The following MND1 variants were observed in gnomAD, a reference collection of about 807,000 sequenced individuals.
MND1 encodes the protein meiotic nuclear divisions 1.
A neutral mutation model predicts 35.1 loss-of-function variants in MND1; 28 were observed. That is an observed-to-expected ratio of 0.80 (90% CI 0.59 to 1.09). MND1 has a LOEUF of 1.09. Among genes scored for constraint, MND1 ranks in the 50% least tolerant of loss-of-function variants. MND1 has a pLI of 0.00. For missense variants in MND1, 213 were observed against 239.6 expected, an observed-to-expected ratio of 0.89 and a Z score of 0.73; for synonymous variants, 69 against 70.5, an observed-to-expected ratio of 0.98 and a Z score of 0.11.
At chr4:153,345,291 G>T in intron 1 of MND1, 1 of 966,652 alleles carries the variant, frequency 1.0e-6, no homozygotes. Context: ...GTAATATGTA[G>T]AGCACATTCC....
At chr4:153,381,667 A>AATATAATATATATAT (rs1554011383) in intron 4 of MND1, 1 of 25,458 alleles carries the variant, frequency 3.9e-5, no homozygotes, top group African/African-American at 1.5e-4. Flanking sequence ...TATATAATAT[A>AATATAATATATATAT]ATATATATAT....
At chr4:153,384,201 G>A (rs775953226) in intron 4 of MND1, among the ~76,000 whole-genome samples, 30 of 142,850 alleles carry the variant, frequency 2.1e-4, no homozygotes, top group Non-Finnish European at 4.1e-4. Flanking sequence ...AGTTAAAAAT[G>A]GTTCCTTTTA....
intron 4 of MND1, among the ~76,000 whole-genome samples, chr4:153,360,812 TACATATATAC>T (rs1773470589): frequency 6.6e-6 from 1 of 151,152 alleles, no homozygotes; most frequent in African/African-American, 2.4e-5. Flanking sequence ...TACACATATA[TACATATATAC>T]ACATATATAT....
At chr4:153,381,686 ATATATATTTTTTTTTTTTTT>A (rs1728701161) in intron 4 of MND1, 1 of 22,526 alleles carries the variant, frequency 4.4e-5, no homozygotes, top group African/African-American at 1.8e-4. Flanking sequence ...ATATATATAT[ATATATATTTTTTTTTTTTTT>A]TTTTTTTTTT....
intron 4 of MND1, among the ~76,000 whole-genome samples, chr4:153,391,952 A>C (rs1729052446): frequency 6.6e-6 from 1 of 152,236 alleles, no homozygotes; most frequent in South Asian, 2.1e-4. Context: ...TGAGAAGTGA[A>C]AGATTTCCCA....
At position 153,370,308 on chromosome 4, in the gene MND1, T is replaced by G. The variant is rs566336838; in HGVS notation, c.276+11686T>G. On this transcript the variant is annotated intron_variant, in intron 4 of 7. Coordinates refer to ENST00000240488, the MANE Select transcript of MND1 (RefSeq NM_032117.4). Reference sequence around the variant, plus strand: ...AAAAAAGAAGCAATTTCTCATCCATTTAAGTATTACCATAAGATTGCAGCA... The same window carrying G: ...AAAAAAGAAGCAATTTCTCATCCATGTAAGTATTACCATAAGATTGCAGCA... 2.6e-5 allele frequency among the ~76,000 whole-genome samples: 4 copies of G among 152,032 alleles called. No individual in the cohort carries two copies. In the South Asian group the frequency reaches 8.3e-4, roughly 32 times the overall value.
intron 4 of MND1, among the ~76,000 whole-genome samples, chr4:153,364,043 G>A (rs1773563339): frequency 6.6e-6 from 1 of 151,976 alleles, no homozygotes; most frequent in Non-Finnish European, 1.5e-5. Flanking sequence ...CGGCCAGCCT[G>A]GGCAACACAG....
chr4:153,350,207 C>T (rs912628553), intron 2 of MND1, 78 bp downstream of exon 2: 3 of 1,024,320 alleles, frequency 2.9e-6, no homozygotes, highest in Non-Finnish European at 3.0e-6. Flanking sequence ...TAACTGTCCC[C>T]TCTTTGTTAA....
chr4:153,384,655 C>G (rs1332643885), intron 4 of MND1, among the ~76,000 whole-genome samples: 1 of 151,854 alleles, frequency 6.6e-6, no homozygotes, highest in African/African-American at 2.4e-5. Flanking sequence ...ACTTGTTAGG[C>G]TCTGACTCTG....
At chr4:153,377,534 C>A (rs79655741) in intron 4 of MND1, among the ~76,000 whole-genome samples, 1 of 152,252 alleles carries the variant, frequency 6.6e-6, no homozygotes, top group East Asian at 1.9e-4. Flanking sequence ...TTCTCTAGAA[C>A]CTCTCACTCT....
At chr4:153,352,758 A>C (rs914920085) in intron 2 of MND1, among the ~76,000 whole-genome samples, 37 of 151,798 alleles carry the variant, frequency 2.4e-4, no homozygotes, top group Middle Eastern at 3.4e-3. Context: ...AAAAAAAAAA[A>C]AAAAAAAAAA....
intron 7 of MND1, among the ~76,000 whole-genome samples, chr4:153,412,484 CTTTT>C (rs59668809): frequency 7.2e-6 from 1 of 138,552 alleles, no homozygotes; most frequent in Admixed American, 7.4e-5. Flanking sequence ...TCCAAATTTC[CTTTT>C]TTTTTTTTTT....
At chr4:153,381,529 C>T (rs1728681182) in intron 4 of MND1, among the ~76,000 whole-genome samples, 1 of 149,620 alleles carries the variant, frequency 6.7e-6, no homozygotes, top group African/African-American at 2.5e-5. Context: ...TATATATATT[C>T]TTACTTTCCT....
intron 7 of MND1, among the ~76,000 whole-genome samples, chr4:153,412,863 G>C (rs9968400): frequency 0.069 from 10,142 of 145,958 alleles, 600 homozygotes; most frequent in African/African-American, 0.17. Flanking sequence ...GGAGTGTAGT[G>C]GTGCAATCTT....
At chr4:153,379,849 C>CAAAAA (rs34034237) in intron 4 of MND1, among the ~76,000 whole-genome samples, 1 of 62,488 alleles carries the variant, frequency 1.6e-5, no homozygotes, top group African/African-American at 5.6e-5. Context: ...GACTCCATCT[C>CAAAAA]AAAAAAAAAA....
At chr4:153,352,767 A>C (rs867624698) in intron 2 of MND1, among the ~76,000 whole-genome samples, 110 of 146,062 alleles carry the variant, frequency 7.5e-4, no homozygotes, top group African/African-American at 2.6e-3. Context: ...AAAAAAAAAA[A>C]ACACAACGAT....
intron 6 of MND1, 131 bp downstream of exon 6, chr4:153,397,464 G>C: frequency 1.7e-6 from 1 of 599,842 alleles, no homozygotes; most frequent in Non-Finnish European, 2.9e-6. Flanking sequence ...TCTGTTTGTA[G>C]TACTCTAATT....
intron 4 of MND1, among the ~76,000 whole-genome samples, chr4:153,386,441 T>C (rs111446475): frequency 9.2e-5 from 14 of 151,978 alleles, no homozygotes; most frequent in African/African-American, 2.9e-4. Context: ...GAGGCTACAA[T>C]GAGCTATGAT....
At chr4:153,372,244 C>G (rs1001590166) in intron 4 of MND1, among the ~76,000 whole-genome samples, 1 of 151,958 alleles carries the variant, frequency 6.6e-6, no homozygotes, top group Non-Finnish European at 1.5e-5. Flanking sequence ...AATAGACTTG[C>G]TTGACTCAAG....
Sources: gnomAD v4.1 joint callset for allele counts (sites outside exome capture counted in the v4.1 genomes callset) on GRCh38, gnomAD v4.1.1 for gene constraint, MANE v1.5 for transcripts, NCBI Gene and HGNC (gene_info 2026-07-23, HGNC 2026-07-21) for gene names.